BCL11B: variants seen among roughly 807,000 people sequenced by gnomAD.
BCL11B encodes B-cell lymphoma/leukemia 11B.
In BCL11B, 8 loss-of-function variants were observed where a neutral mutation model predicts 49.9. That is an observed-to-expected ratio of 0.16 (90% CI 0.09 to 0.29). The LOEUF is 0.29. BCL11B is among the 10% of genes least tolerant of loss of function. BCL11B has a pLI of 1.00. For missense variants in BCL11B, 1,006 were observed against 1,351.0 expected (o/e 0.74, Z 4.00); for synonymous variants, 739 against 637.4 (o/e 1.16, Z -2.40).
In BCL11B at chr14:99,226,071, G is replaced by A. The variant is rs562393658; in HGVS notation, c.640+5274C>T. Among the ~76,000 whole-genome samples, 3 of 152,374 alleles carry A rather than the reference G, an allele frequency of 2.0e-5. No homozygotes were observed. The South Asian group carries it at 6.2e-4, about 32-fold the overall frequency. The stretch of plus-strand genomic sequence containing the variant: ...GGAATCAACAGCGCTTGCACGCCAG[G>A]AAGAGCAACAGCACTGTGAAGGCTG... On this transcript the variant is annotated intron_variant, in intron 3 of 3. Transcript: ENST00000357195.
Position 99,176,032 on chromosome 14 carries a change from C to G in BCL11B, c.804G>C (p.Pro268=). The G allele has an allele frequency of 3.2e-6, 5 of 1,581,310 alleles. No homozygotes were observed. Among genetic ancestry groups the G allele is most frequent in the Non-Finnish European group, 4.3e-6 (5 of 1,163,994 alleles). ...ACTGCGCCACGGCCTCCGGCCCGAG[C>G]GGCGGCGGGATGGTGAGCCGCGGCG... ...SLTPRLTIPP[P]LGPEAVAQSP... is the part of the protein sequence containing the mutation. Residue 268 remains proline, a synonymous_variant, in exon 4 of 4, where the codon CCG becomes CCC. Coordinates refer to ENST00000357195, the MANE Select transcript of BCL11B (RefSeq NM_138576.4).
intron 3 of BCL11B, among the ~76,000 whole-genome samples, chr14:99,188,439 C>G (rs1258294340): frequency 6.6e-6 from 1 of 152,116 alleles, no homozygotes; most frequent in Non-Finnish European, 1.5e-5. Context: ...TGGGTTTGCC[C>G]GGGTGGATAG....
At chr14:99,190,836 T>C (rs1316452849) in intron 3 of BCL11B, among the ~76,000 whole-genome samples, 2 of 152,142 alleles carry the variant, frequency 1.3e-5, no homozygotes, top group African/African-American at 4.8e-5. Flanking sequence ...TACCTGGCCA[T>C]TCCAACTCCT....
chr14:99,255,822 T>C (rs917246635), intron 2 of BCL11B, among the ~76,000 whole-genome samples: 1 of 152,328 alleles, frequency 6.6e-6, no homozygotes, highest in African/African-American at 2.4e-5. Flanking sequence ...CATAGCACTC[T>C]GAGAAGCCAG....
At chr14:99,182,895 TG>T (rs1886748608) in intron 3 of BCL11B, among the ~76,000 whole-genome samples, 1 of 152,190 alleles carries the variant, frequency 6.6e-6, no homozygotes, top group African/African-American at 2.4e-5. Flanking sequence ...CCAGTAAATG[TG>T]GGATCAAAAT....
At chr14:99,243,940 A>G (rs1595068601) in intron 2 of BCL11B, among the ~76,000 whole-genome samples, 1 of 20,644 alleles carries the variant, frequency 4.8e-5, no homozygotes, top group African/African-American at 3.0e-4. Context: ...AAAAAAAAAA[A>G]AAAAAAAAAA....
Position 99,170,497 on chromosome 14 carries a change from C to T in BCL11B, c.*3654G>A, listed in dbSNP as rs529119554. 12 of 226,794 alleles carry T rather than the reference C, an allele frequency of 5.3e-5. No homozygotes were observed. The highest frequency in any genetic ancestry group is 2.5e-4 in the African/African-American group (11 of 44,752). 14.0% of individuals were successfully genotyped at this position (226,794 alleles called of 1,614,324 possible). A position where few individuals can be genotyped will look rare whatever the true frequency, so the allele number is the denominator to read the frequency against. On this transcript the variant is annotated 3_prime_UTR_variant, in exon 4 of 4. Transcript: ENST00000357195. ...ACCACTTTATCTTAAAGCTACTTGG[C>T]TTTACAAAAAATAAAAATAAAATAG...
At position 99,194,358 on chromosome 14, in the gene BCL11B, G is replaced by A. The variant is rs532349266; in HGVS notation, c.641-18163C>T. 6.6e-6 allele frequency among the ~76,000 whole-genome samples: 1 copy of A among 152,358 alleles called. No homozygotes were observed. Among genetic ancestry groups the A allele is most frequent in the South Asian group, 2.1e-4 (1 of 4,830 alleles). ...GTTCTGGTAAGATGGGCCCGCCAAG[G>A]AGCCAGTGCTCCTGGACAACATCCC... is the stretch of plus-strand genomic sequence containing the variant. On this transcript the variant is annotated intron_variant, in intron 3 of 3. Transcript: ENST00000357195. The surrounding 1 kb of genome is among the most constrained non-coding windows in gnomAD (Gnocchi z 4.6).
Position 99,205,136 on chromosome 14 carries a change from C to T in BCL11B, c.640+26209G>A, listed in dbSNP as rs1024470025. On this transcript the variant is annotated intron_variant, in intron 3 of 3. Transcript: ENST00000357195. The surrounding 1 kb of genome is among the most constrained non-coding windows in gnomAD (Gnocchi z 5.0). ...CCTTCCTTAATGGAAGCAGCTCTTTCACAACAGTAGGAAGAGGGAATTAAA... is the reference window on the plus strand; with the variant it reads ...CCTTCCTTAATGGAAGCAGCTCTTTTACAACAGTAGGAAGAGGGAATTAAA... Among the ~76,000 whole-genome samples the T allele has an allele frequency of 6.6e-6, 1 of 151,986 alleles. No homozygotes were observed. Among genetic ancestry groups the T allele is most frequent in the African/African-American group, 2.4e-5 (1 of 41,346 alleles).
rs1161159825 is a variant in BCL11B, at chr14:99,272,020, G to A, written c.-802C>T. The stretch of plus-strand genomic sequence containing the variant: ...GCTGGCGCCGGCCGGAGGGGCTGCC[G>A]AGTCCCCGCGAGCGCTCCCCAGCGC... On this transcript the variant is annotated 5_prime_UTR_variant, in exon 1 of 4. Transcript: ENST00000357195. The surrounding 1 kb of genome is among the most constrained non-coding windows in gnomAD (Gnocchi z 6.0). Among the ~76,000 whole-genome samples the A allele has an allele frequency of 6.6e-6, 1 of 151,974 alleles. No individual in the cohort carries two copies. Among genetic ancestry groups the A allele is most frequent in the African/African-American group, 2.4e-5 (1 of 41,410 alleles).
rs1566821528 is a variant in BCL11B, at chr14:99,231,324, C to A, written c.640+21G>T. ...CCCGCCATCCCGGGGGCCCGCCCCC[C>A]ACCGCGGCGTCGTCTGTTACCTGAC... On this transcript the variant is annotated intron_variant, in intron 3 of 3. Coordinates refer to ENST00000357195, the MANE Select transcript of BCL11B (RefSeq NM_138576.4). The surrounding 1 kb of genome is among the most constrained non-coding windows in gnomAD (Gnocchi z 8.1). The A allele has an allele frequency of 7.5e-6, 12 of 1,605,962 alleles. No individual in the cohort carries two copies. Among genetic ancestry groups the A allele is most frequent in the Non-Finnish European group, 1.0e-5 (12 of 1,177,152 alleles).
Position 99,257,396 on chromosome 14 carries a change from C to T in BCL11B, c.427+75G>A, listed in dbSNP as rs1889196575. 2 of 1,512,396 alleles carry T rather than the reference C, an allele frequency of 1.3e-6. No individual in the cohort carries two copies. Among genetic ancestry groups the T allele is most frequent in the Admixed American group, 2.0e-5 (1 of 50,874 alleles). 93.7% of individuals were successfully genotyped at this position (1,512,396 alleles called of 1,614,324 possible). A position where few individuals can be genotyped will look rare whatever the true frequency, so the allele number is the denominator to read the frequency against. ...GAAGCCCCTGGGCCTTCCCCTGCAC[C>T]AGCACACTCAGGCAGAGGGCATGGG... On this transcript the variant is annotated intron_variant, in intron 2 of 3. Coordinates refer to ENST00000357195, the MANE Select transcript of BCL11B (RefSeq NM_138576.4). This position sits in a 1 kb window ranked among gnomAD's most constrained non-coding sequence, Gnocchi z 6.2.
intron 3 of BCL11B, among the ~76,000 whole-genome samples, chr14:99,188,531 G>T (rs2139790571): frequency 7.5e-6 from 1 of 134,220 alleles, no homozygotes; most frequent in African/African-American, 3.0e-5. Flanking sequence ...TCCAACCAAT[G>T]GCTGGCCTGG....
In BCL11B at chr14:99,262,970, T is replaced by A. The variant is rs577901866; in HGVS notation, c.59-5131A>T. On this transcript the variant is annotated intron_variant, in intron 1 of 3. Transcript: ENST00000357195. The surrounding 1 kb of genome is among the most constrained non-coding windows in gnomAD (Gnocchi z 4.2). Reference sequence around the variant, plus strand: ...GACAAGAGATTTTATGAAGTTCCCCTAACGGAGGGAATAATGAAGTGCCTG... The same window carrying A: ...GACAAGAGATTTTATGAAGTTCCCCAAACGGAGGGAATAATGAAGTGCCTG... The A allele has an allele frequency of 2.8e-4, 42 of 151,990 alleles. No homozygotes were observed. Among genetic ancestry groups the A allele is most frequent in the African/African-American group, 8.5e-4 (35 of 41,392 alleles). 9.4% of individuals were successfully genotyped at this position (151,990 alleles called of 1,614,324 possible).
intron 3 of BCL11B, among the ~76,000 whole-genome samples, chr14:99,210,596 G>A (rs1014986228): frequency 4.6e-5 from 7 of 152,110 alleles, no homozygotes; most frequent in Non-Finnish European, 1.0e-4. Flanking sequence ...GCTCATGCCC[G>A]AGGACCAAGA....
rs181198466 is a variant in BCL11B, at chr14:99,173,507, A to G, written c.*644T>C. On this transcript the variant is annotated 3_prime_UTR_variant, in exon 4 of 4. Transcript: ENST00000357195. Reference sequence around the variant, plus strand: ...GAAACAAAGTGCTACGACTTGAAAGATTGTTATCCGCTGTACATCCACACC... The same window carrying G: ...GAAACAAAGTGCTACGACTTGAAAGGTTGTTATCCGCTGTACATCCACACC... The G allele has an allele frequency of 1.1e-3, 239 of 212,700 alleles. No homozygotes were observed. The highest frequency in any genetic ancestry group is 1.2e-3 in the Non-Finnish European group (131 of 104,978). The allele number at this position is 212,700 out of a possible 1,614,324, so 13.2% of individuals were successfully genotyped here. A position where few individuals can be genotyped will look rare whatever the true frequency, so the allele number is the denominator to read the frequency against.
intron 2 of BCL11B, among the ~76,000 whole-genome samples, chr14:99,256,374 G>A (rs1010374599): frequency 6.6e-6 from 1 of 152,222 alleles, no homozygotes; most frequent in African/African-American, 2.4e-5. Context: ...CACCAGGCCT[G>A]CTGCTATTAT....
intron 3 of BCL11B, among the ~76,000 whole-genome samples, chr14:99,186,773 CTCAAG>C (rs1346452557): frequency 1.3e-5 from 2 of 152,196 alleles, no homozygotes; most frequent in South Asian, 2.1e-4. Context: ...TCAAGGCCTA[CTCAAG>C]TCAAGAACTG....
Position 99,188,648 on chromosome 14 carries a change from G to A in BCL11B, c.641-12453C>T, listed in dbSNP as rs1349956310. Among the ~76,000 whole-genome samples, 3 of 152,222 alleles carry A rather than the reference G, an allele frequency of 2.0e-5. No individual in the cohort carries two copies. The East Asian group carries it at 5.8e-4, about 29-fold the overall frequency. On this transcript the variant is annotated intron_variant, in intron 3 of 3. Transcript: ENST00000357195. ...CAGGTCAGTTCGTCTTTCTGGGGAAGGACAAGGCTGGCCATAGGGAGAGGT... is the reference window on the plus strand; with the variant it reads ...CAGGTCAGTTCGTCTTTCTGGGGAAAGACAAGGCTGGCCATAGGGAGAGGT...
Sources: allele counts gnomAD v4.1 joint callset (sites outside exome capture counted in the v4.1 genomes callset), GRCh38; gene constraint gnomAD v4.1.1; non-coding constraint Gnocchi (gnomAD v3.1); transcripts MANE v1.5; gene names NCBI Gene and HGNC (gene_info 2026-07-23, HGNC 2026-07-21).